Variants in RAP1GDS1 observed in about 807,000 individuals in gnomAD.
RAP1GDS1 encodes RAP1, GTP-GDP dissociation stimulator 1.
Under a neutral mutation model 71.1 loss-of-function variants are expected in RAP1GDS1, and 35 were observed. The observed-to-expected ratio is 0.49, with a 90% CI of 0.38 to 0.65. RAP1GDS1 has a LOEUF of 0.65. Ranked by LOEUF, RAP1GDS1 falls within the 30% of genes least tolerant of loss-of-function variation. RAP1GDS1 has a pLI of 0.00. For missense variants in RAP1GDS1, 663 were observed against 706.1 expected, an observed-to-expected ratio of 0.94 and a Z score of 0.69; for synonymous variants, 229 against 243.1, an observed-to-expected ratio of 0.94 and a Z score of 0.54.
intron 4 of RAP1GDS1, among the ~76,000 whole-genome samples, chr4:98,367,011 A>C (rs1021770483): frequency 2.0e-5 from 3 of 152,210 alleles, no homozygotes; most frequent in East Asian, 3.9e-4. Context: ...GTTAATCCCC[A>C]AGACAGTGGG....
rs12512617 is a variant in RAP1GDS1 at position 98,424,791 on chromosome 4, G to C, written c.1440+3397G>C. ...TCTCCAAAAAAAAAAAAAAAACAAA[G>C]AAAACTTTTGGAAAACATATTTGGG... On this transcript the variant is annotated intron_variant, in intron 12 of 14. Coordinates refer to ENST00000408927, the MANE Select transcript of RAP1GDS1 (RefSeq NM_001100427.2). 9.0e-3 allele frequency among the ~76,000 whole-genome samples: 1,140 copies of C among 127,018 alleles called. 14 individuals carry two copies. Among genetic ancestry groups the C allele is most frequent in the African/African-American group, 0.029 (1,033 of 35,148 alleles). 83.3% of individuals were successfully genotyped at this position (127,018 alleles called of 152,430 possible).
At chr4:98,306,068 A>G (rs944031379) in intron 2 of RAP1GDS1, among the ~76,000 whole-genome samples, 1 of 152,208 alleles carries the variant, frequency 6.6e-6, no homozygotes, top group African/African-American at 2.4e-5. Context: ...ATTATTTTTC[A>G]TCAGGGTTCC....
In RAP1GDS1 at chr4:98,309,249, C is replaced by T. The variant is rs191509063; in HGVS notation, c.112+15734C>T. 7.2e-4 allele frequency among the ~76,000 whole-genome samples: 109 copies of T among 151,742 alleles called. 1 individual carries two copies. The highest frequency in any genetic ancestry group is 2.0e-3 in the Admixed American group (31 of 15,240). On this transcript the variant is annotated intron_variant, in intron 2 of 14. Coordinates refer to ENST00000408927, the MANE Select transcript of RAP1GDS1 (RefSeq NM_001100427.2). ...AGAGGAAAAGAGAAACACATTTAAC[C>T]GGAAAAAGAGGTAATTGAAGTAAAT...
intron 2 of RAP1GDS1, among the ~76,000 whole-genome samples, chr4:98,293,788 T>C (rs1328002111): frequency 6.6e-6 from 1 of 152,072 alleles, no homozygotes; most frequent in East Asian, 1.9e-4. Flanking sequence ...GAGGCCATTG[T>C]TTCATTTCTA....
At chr4:98,348,286 G>T (rs1736610128) in intron 3 of RAP1GDS1, among the ~76,000 whole-genome samples, 1 of 152,114 alleles carries the variant, frequency 6.6e-6, no homozygotes, top group Non-Finnish European at 1.5e-5. Flanking sequence ...CCCTACAAAG[G>T]ACATGAACTC....
intron 6 of RAP1GDS1, among the ~76,000 whole-genome samples, chr4:98,399,803 GA>G (rs1243955674): frequency 6.6e-6 from 1 of 152,066 alleles, no homozygotes; most frequent in African/African-American, 2.4e-5. Context: ...AGGATGTGGA[GA>G]AAAAAGAACT....
At chr4:98,375,862 A>G (rs976280918) in intron 4 of RAP1GDS1, among the ~76,000 whole-genome samples, 31 of 152,202 alleles carry the variant, frequency 2.0e-4, no homozygotes, top group African/African-American at 7.5e-4. Context: ...ACGACATGCC[A>G]CAATAGTTAG....
intron 2 of RAP1GDS1, among the ~76,000 whole-genome samples, chr4:98,313,753 G>A (rs1440516826): frequency 1.3e-5 from 2 of 152,056 alleles, no homozygotes; most frequent in South Asian, 2.1e-4. Context: ...AGGCCGAGGT[G>A]AGAGGATCAC....
At chr4:98,307,457 A>G (rs1298836351) in intron 2 of RAP1GDS1, among the ~76,000 whole-genome samples, 1 of 152,148 alleles carries the variant, frequency 6.6e-6, no homozygotes, top group African/African-American at 2.4e-5. Flanking sequence ...GTCATAAATT[A>G]ATTTGGGGAG....
intron 14 of RAP1GDS1, among the ~76,000 whole-genome samples, chr4:98,437,525 G>A (rs558766320): frequency 6.6e-6 from 1 of 152,248 alleles, no homozygotes; most frequent in African/African-American, 2.4e-5. Flanking sequence ...CAGGCACGGT[G>A]GCTCATGCCT....
At chr4:98,381,438 A>C (rs1261239529) in intron 5 of RAP1GDS1, among the ~76,000 whole-genome samples, 1 of 151,540 alleles carries the variant, frequency 6.6e-6, no homozygotes, top group Non-Finnish European at 1.5e-5. Flanking sequence ...ATAATTATTA[A>C]AGCGTCTTTA....
chr4:98,419,288 A>G (rs1748467472), intron 10 of RAP1GDS1, among the ~76,000 whole-genome samples: 1 of 151,996 alleles, frequency 6.6e-6, no homozygotes, highest in African/African-American at 2.4e-5. Context: ...TCCTGGGCTC[A>G]AGCAGTCCAC....
intron 3 of RAP1GDS1, among the ~76,000 whole-genome samples, chr4:98,349,591 A>T (rs1018224407): frequency 1.3e-5 from 2 of 152,310 alleles, no homozygotes; most frequent in Admixed American, 1.3e-4. Context: ...GATTCGTCCT[A>T]TCCACGAGCA....
chr4:98,336,583 T>A (rs994339079), intron 2 of RAP1GDS1, among the ~76,000 whole-genome samples: 8 of 152,234 alleles, frequency 5.3e-5, no homozygotes, highest in Admixed American at 4.6e-4. Context: ...GTTTTTGTTC[T>A]GCTATCTTTC....
chr4:98,314,298 T>C (rs1730653350), intron 2 of RAP1GDS1, among the ~76,000 whole-genome samples: 1 of 152,236 alleles, frequency 6.6e-6, no homozygotes, highest in South Asian at 2.1e-4. Flanking sequence ...GTTTAGTCTC[T>C]GCATGAGCTA....
At chr4:98,390,094 T>C (rs1275551640) in intron 5 of RAP1GDS1, among the ~76,000 whole-genome samples, 1 of 152,132 alleles carries the variant, frequency 6.6e-6, no homozygotes, top group Non-Finnish European at 1.5e-5. Context: ...AAAATACTGC[T>C]AAAGAACAAG....
chr4:98,342,406 T>C (rs1394772172), intron 2 of RAP1GDS1, among the ~76,000 whole-genome samples: 1 of 152,172 alleles, frequency 6.6e-6, no homozygotes, highest in East Asian at 1.9e-4. Flanking sequence ...TTTATTTCTT[T>C]GAGCTTTTCT....
At chr4:98,329,808 A>AG (rs1733675841) in intron 2 of RAP1GDS1, among the ~76,000 whole-genome samples, 1 of 151,478 alleles carries the variant, frequency 6.6e-6, no homozygotes, top group Non-Finnish European at 1.5e-5. Flanking sequence ...AAAAAAAAAA[A>AG]AAAGTGCCCA....
intron 4 of RAP1GDS1, among the ~76,000 whole-genome samples, chr4:98,358,699 TA>T (rs1738293842): frequency 6.6e-6 from 1 of 152,074 alleles, no homozygotes; most frequent in Non-Finnish European, 1.5e-5. Context: ...CACAAATCTG[TA>T]CATATGTTAG....
Sources: allele counts gnomAD v4.1 joint callset (sites outside exome capture counted in the v4.1 genomes callset), GRCh38; gene constraint gnomAD v4.1.1; transcripts MANE v1.5; gene names NCBI Gene and HGNC (gene_info 2026-07-23, HGNC 2026-07-21).